TMEM132A: variants seen among roughly 807,000 people sequenced by gnomAD.
TMEM132A encodes transmembrane protein 132A.
Under a neutral mutation model 69.9 loss-of-function variants are expected in TMEM132A, and 48 were observed. The ratio of observed to expected loss-of-function variants is 0.69; its 90% CI spans 0.55 to 0.87. The LOEUF (loss-of-function observed/expected upper bound fraction) is 0.87, where lower values mean the gene tolerates loss of function less well. TMEM132A is among the 40% of genes least tolerant of loss of function. The pLI is 0.00. For synonymous variants in TMEM132A, 577 were observed against 613.7 expected (o/e 0.94, Z 0.88); for missense variants, 1,287 against 1,407.2 (o/e 0.91, Z 1.37).
In TMEM132A at chr11:60,934,619, G is replaced by C; in HGVS notation, c.1691G>C (p.Arg564Pro). 1 of 1,585,190 alleles carries C rather than the reference G, an allele frequency of 6.3e-7. No homozygotes were observed. Among genetic ancestry groups the C allele is most frequent in the Non-Finnish European group, 8.5e-7 (1 of 1,174,192 alleles). ...FAAHPLDGGR[R>P]LTHLLGPDWL... The stretch of plus-strand genomic sequence containing the variant: ...GCCCACCCGCTGGACGGCGGCCGCC[G>C]CCTCACGCACCTGCTTGGCCCCGAC... Residue 564 changes from arginine (R) to proline (P), a missense_variant, in exon 9 of 11, where the codon CGC becomes CCC. Physicochemically the swap from Arg to Pro is moderately radical, Grantham distance 103. Transcript: ENST00000453848.
rs1189250164 is a variant in TMEM132A at position 60,934,573 on chromosome 11, C to T, written c.1645C>T (p.Arg549Cys). The change falls in exon 9 of 11, where the codon CGC (arginine) becomes TGC (cysteine). Residue 549 changes from arginine (R) to cysteine (C), a missense_variant. Coordinates refer to ENST00000453848, the MANE Select transcript of TMEM132A (RefSeq NM_178031.3). The part of the protein sequence containing the change: ...CHLQYQRAGV[R>C]FLAPFAAHPL... ...CCTGCAGTACCAGCGGGCCGGTGTG[C>T]GCTTCCTCGCCCCCTTCGCGGCCCA... is the stretch of plus-strand genomic sequence containing the variant. 2 of 1,543,224 alleles carry T rather than the reference C, an allele frequency of 1.3e-6. No individual in the cohort carries two copies. Among genetic ancestry groups the T allele is most frequent in the South Asian group, 1.2e-5 (1 of 84,440 alleles).
In TMEM132A at chr11:60,935,794, G is replaced by C; in HGVS notation, c.2029-70G>C. 1 of 1,549,862 alleles carries C rather than the reference G, an allele frequency of 6.5e-7. No individual in the cohort carries two copies. Among genetic ancestry groups the C allele is most frequent in the Non-Finnish European group, 8.8e-7 (1 of 1,142,202 alleles). On this transcript the variant is annotated intron_variant, in intron 10 of 10. Transcript: ENST00000453848. This position sits in a 1 kb window ranked among gnomAD's most constrained non-coding sequence, Gnocchi z 5.0. ...TCTCTCCTCCATGTGGCCTATCTCT[G>C]TGGGAGTGGTTTCTCTGTGCATGCG...
chr11:60,924,664 GCGGCCCCTCGGGGGCCCTA>G lies in TMEM132A; in HGVS notation c.40_58del (p.Arg14GlyfsTer13), dbSNP rs758025067. On this transcript the variant is annotated frameshift_variant, in exon 1 of 11. Coordinates refer to ENST00000453848, the MANE Select transcript of TMEM132A (RefSeq NM_178031.3). LOFTEE classifies it high-confidence loss of function. ...CGCGCGGATGGCCGGTCGCACAACA[GCGGCCCCTCGGGGGCCCTA>G]CGGCCCCTGGCTCTGCCTCCTGGTG... The G allele has an allele frequency of 1.9e-5, 31 of 1,594,622 alleles. No individual in the cohort carries two copies. Among genetic ancestry groups the G allele is most frequent in the Non-Finnish European group, 2.5e-5 (29 of 1,176,694 alleles).
chr11:60,931,643 TG>T (rs1335923978), intron 5 of TMEM132A, 45 bp from the exon 6 acceptor site: 1 of 1,563,904 alleles, frequency 6.4e-7, no homozygotes, highest in Non-Finnish European at 8.7e-7. Flanking sequence ...AGGCCATGCC[TG>T]GCAGCTAGCA....
rs145869982 is a variant in TMEM132A at position 60,936,742 on chromosome 11, G to A, written c.2907G>A (p.Ala969=). ...RRKRVEFVTF[A]PAPPAQSPEE... ...AGCGAGTAGAGTTTGTGACATTTGC[G>A]CCAGCCCCTCCAGCCCAGTCACCTG... is the stretch of plus-strand genomic sequence containing the variant. The change falls in exon 11 of 11, where the codon GCG becomes GCA. Residue 969 remains alanine, a synonymous_variant. Transcript: ENST00000453848. 117 of 1,601,946 alleles carry A rather than the reference G, an allele frequency of 7.3e-5. No individual in the cohort carries two copies. The African/African-American group carries it at 1.4e-3, about 19-fold the overall frequency.
chr11:60,936,935 AGCTGGGG>A lies in TMEM132A; in HGVS notation c.*29_*35del. 6.7e-7 allele frequency: 1 copy of A among 1,503,392 alleles called. No homozygotes were observed. Among genetic ancestry groups the A allele is most frequent in the Non-Finnish European group, 8.9e-7 (1 of 1,125,810 alleles). 93.1% of individuals were successfully genotyped at this position (1,503,392 alleles called of 1,614,324 possible). A position where few individuals can be genotyped will look rare whatever the true frequency, so the allele number is the denominator to read the frequency against. ...CTCCACAGCCACCTGGTCAGCCACCAGCTGGGGCAACGAGGGTGGAGGTCCCACTGAG... is the reference window on the plus strand; with the variant it reads ...CTCCACAGCCACCTGGTCAGCCACCACAACGAGGGTGGAGGTCCCACTGAG... On this transcript the variant is annotated 3_prime_UTR_variant, in exon 11 of 11. Coordinates refer to ENST00000453848, the MANE Select transcript of TMEM132A (RefSeq NM_178031.3).
At chr11:60,928,539 A>C in intron 3 of TMEM132A, 90 bp from the exon 4 acceptor site, 3 of 1,262,478 alleles carry the variant, frequency 2.4e-6, no homozygotes, top group Non-Finnish European at 3.3e-6. Flanking sequence ...GAGCCCCTCC[A>C]GCTCTGGGTT....
intron 4 of TMEM132A, among the ~76,000 whole-genome samples, chr11:60,929,962 G>C (rs1315134238): frequency 6.6e-6 from 1 of 152,210 alleles, no homozygotes; most frequent in Admixed American, 6.5e-5. Flanking sequence ...GCATGTGGGT[G>C]TGTAAGCACT....
chr11:60,929,322 C>T (rs1217854606), intron 4 of TMEM132A, among the ~76,000 whole-genome samples: 1 of 152,212 alleles, frequency 6.6e-6, no homozygotes, highest in Non-Finnish European at 1.5e-5. Context: ...CTCCAGTGCT[C>T]CAGAGAGGGA....
chr11:60,930,800 A>G, intron 5 of TMEM132A, 141 bp downstream of exon 5: 1 of 798,872 alleles, frequency 1.3e-6, no homozygotes, highest in Non-Finnish European at 1.9e-6. Context: ...AGGAAGCAGC[A>G]CAAAGCAGGC....
Position 60,934,572 on chromosome 11 carries a change from G to A in TMEM132A, c.1644G>A (p.Val548=). The A allele has an allele frequency of 6.5e-7, 1 of 1,543,184 alleles. No individual in the cohort carries two copies. The highest frequency in any genetic ancestry group is 8.7e-7 in the Non-Finnish European group (1 of 1,152,952). ...ACCTGCAGTACCAGCGGGCCGGTGT[G>A]CGCTTCCTCGCCCCCTTCGCGGCCC... ...GCHLQYQRAG[V]RFLAPFAAHP... Residue 548 remains valine, a synonymous_variant, in exon 9 of 11, where the codon GTG becomes GTA. Transcript: ENST00000453848.
Position 60,928,716 on chromosome 11 carries a change from A to G in TMEM132A, c.622A>G (p.Thr208Ala). ...CACCACACGGGCCGAGCTGGCCTACACGCTTGAGCCTGCAGCTGAGGGCCC... is the reference window on the plus strand; with the variant it reads ...CACCACACGGGCCGAGCTGGCCTACGCGCTTGAGCCTGCAGCTGAGGGCCC... Reference protein sequence around the residue: ...ASTTRAELAYTLEPAAEGPGG... With the variant: ...ASTTRAELAYALEPAAEGPGG... Residue 208 changes from threonine to alanine, a missense_variant, in exon 4 of 11, where the codon ACG becomes GCG. Thr to Ala is a moderately conservative substitution (Grantham distance 58). Coordinates refer to ENST00000453848, the MANE Select transcript of TMEM132A (RefSeq NM_178031.3). The G allele has an allele frequency of 6.2e-7, 1 of 1,610,328 alleles. No homozygotes were observed. Among genetic ancestry groups the G allele is most frequent in the South Asian group, 1.1e-5 (1 of 90,896 alleles).
At chr11:60,933,248 G>C (rs1856517983) in intron 7 of TMEM132A, 2 of 445,978 alleles carry the variant, frequency 4.5e-6, no homozygotes, top group Admixed American at 7.7e-5. Context: ...CAATGGTACA[G>C]TCCGGCTCAC....
At chr11:60,927,481 A>G (rs1856372289) in intron 2 of TMEM132A, 63 bp downstream of exon 2, 1 of 1,507,956 alleles carries the variant, frequency 6.6e-7, no homozygotes, top group Non-Finnish European at 9.0e-7. Context: ...TCTGCTGGGT[A>G]CAAATTGGGA....
chr11:60,933,246 C>A, intron 7 of TMEM132A: 1 of 410,172 alleles, frequency 2.4e-6, no homozygotes, highest in Non-Finnish European at 4.4e-6. Flanking sequence ...TGCAATGGTA[C>A]AGTCCGGCTC....
rs533525870 is a variant in TMEM132A, at chr11:60,935,075, A to G, written c.1837-177A>G. ...ACCGGGGTGCAAAGAGTAGAGGGAT[A>G]GTAGCCCATGAGCCTGCTGGGAGTA... On this transcript the variant is annotated intron_variant, in intron 9 of 10. Coordinates refer to ENST00000453848, the MANE Select transcript of TMEM132A (RefSeq NM_178031.3). This position sits in a 1 kb window ranked among gnomAD's most constrained non-coding sequence, Gnocchi z 5.0. Among the ~76,000 whole-genome samples, 4 of 152,108 alleles carry G rather than the reference A, an allele frequency of 2.6e-5. No homozygotes were observed. Among genetic ancestry groups the G allele is most frequent in the African/African-American group, 9.6e-5 (4 of 41,462 alleles).
At position 60,936,779 on chromosome 11, in the gene TMEM132A, G is replaced by A; in HGVS notation, c.2944G>A (p.Gly982Arg). 1 of 1,613,150 alleles carries A rather than the reference G, an allele frequency of 6.2e-7. No homozygotes were observed. ...PPAQSPEEPV[G>R]APAVQSILVA... ...AGCCCAGTCACCTGAGGAGCCTGTA[G>A]GGGCCCCTGCTGTGCAGTCCATCCT... Residue 982 changes from glycine to arginine, a missense_variant, in exon 11 of 11, where the codon GGG becomes AGG. Transcript: ENST00000453848.
rs769240572 is a variant in TMEM132A, at chr11:60,934,775, G to A, written c.1836+11G>A. 5.7e-6 allele frequency: 9 copies of A among 1,590,864 alleles called. No individual in the cohort carries two copies. Among genetic ancestry groups the A allele is most frequent in the African/African-American group, 2.7e-5 (2 of 74,426 alleles). Reference sequence around the variant, plus strand: ...GTCACCTCCATTGAGGTAAGCAGCTGGGGACCAGGAGAGTAGACCCCCTGA... The same window carrying A: ...GTCACCTCCATTGAGGTAAGCAGCTAGGGACCAGGAGAGTAGACCCCCTGA... On this transcript the variant is annotated intron_variant, in intron 9 of 10. Coordinates refer to ENST00000453848, the MANE Select transcript of TMEM132A (RefSeq NM_178031.3).
At position 60,933,668 on chromosome 11, in the gene TMEM132A, C is replaced by G. The variant is rs768955554; in HGVS notation, c.1483C>G (p.Leu495Val). 1 of 1,605,358 alleles carries G rather than the reference C, an allele frequency of 6.2e-7. No individual in the cohort carries two copies. Among genetic ancestry groups the G allele is most frequent in the South Asian group, 1.1e-5 (1 of 90,392 alleles). ...SLRLTVWAPL[L>V]PLRIELTDTT... ...GCGGCTGACCGTGTGGGCCCCCCTGCTACCGCTGCGTATCGAGCTCACCGA... is the reference window on the plus strand; with the variant it reads ...GCGGCTGACCGTGTGGGCCCCCCTGGTACCGCTGCGTATCGAGCTCACCGA... Residue 495 changes from leucine to valine, a missense_variant, in exon 8 of 11, where the codon CTA becomes GTA. Leu to Val is a conservative substitution (Grantham distance 32). Coordinates refer to ENST00000453848, the MANE Select transcript of TMEM132A (RefSeq NM_178031.3).
Sources: gnomAD v4.1 joint callset for allele counts (sites outside exome capture counted in the v4.1 genomes callset) on GRCh38, gnomAD v4.1.1 for gene constraint, Gnocchi (gnomAD v3.1) non-coding constraint, MANE v1.5 for transcripts, NCBI Gene and HGNC (gene_info 2026-07-23, HGNC 2026-07-21) for gene names.